Variants in MOB4 observed in about 807,000 individuals in gnomAD.
The protein encoded by MOB4 is MOB-like protein phocein.
A neutral mutation model predicts 32.2 loss-of-function variants in MOB4; 4 were observed. The observed-to-expected ratio is 0.12, with a 90% CI of 0.06 to 0.28. The LOEUF is 0.28. Among genes scored for constraint, MOB4 ranks in the 10% least tolerant of loss-of-function variants. The pLI, the probability that MOB4 is intolerant of heterozygous loss-of-function variation, is 1.00. For missense variants in MOB4, 158 were observed against 271.2 expected (o/e 0.58, Z 2.93); for synonymous variants, 88 against 88.1 (o/e 1.00, Z 0.01).
chr2:197,516,803 A>C, intron 1 of MOB4: 1 of 458,664 alleles, frequency 2.2e-6, no homozygotes, highest in Non-Finnish European at 4.6e-6. Context: ...GAATGAACTG[A>C]TTATAATTTT....
At chr2:197,546,260 A>G (rs1295437467) in intron 5 of MOB4, among the ~76,000 whole-genome samples, 2 of 151,846 alleles carry the variant, frequency 1.3e-5, no homozygotes, top group African/African-American at 4.8e-5. Flanking sequence ...ATGGGGTTTC[A>G]TCGTGTTAGC....
chr2:197,533,695 A>C (rs2106120139), intron 2 of MOB4: 1 of 318,412 alleles, frequency 3.1e-6, no homozygotes, highest in Admixed American at 4.2e-5. Context: ...ATTGCACTCC[A>C]GCCTGGGCGA....
intron 2 of MOB4, among the ~76,000 whole-genome samples, chr2:197,534,786 G>T (rs919410063): frequency 2.0e-5 from 3 of 151,968 alleles, no homozygotes; most frequent in African/African-American, 4.8e-5. Context: ...CTTGTGATCT[G>T]CCCACCTCGG....
At chr2:197,527,267 T>C (rs2086626707) in intron 2 of MOB4, among the ~76,000 whole-genome samples, 1 of 152,154 alleles carries the variant, frequency 6.6e-6, no homozygotes, top group Non-Finnish European at 1.5e-5. Flanking sequence ...TTAAGCCTTC[T>C]TACTCATGCA....
intron 2 of MOB4, among the ~76,000 whole-genome samples, chr2:197,529,585 C>T (rs1181241487): frequency 6.6e-6 from 1 of 151,976 alleles, no homozygotes; most frequent in Non-Finnish European, 1.5e-5. Flanking sequence ...CTCCTGACCT[C>T]AAGTGATCCA....
rs1331357830 is a variant in MOB4 at position 197,525,425 on chromosome 2, T to G, written c.123+1739T>G. On this transcript the variant is annotated intron_variant, in intron 2 of 7. Transcript: ENST00000323303. ...CTTAGAAAATAAAAGAGACATATAG[T>G]TGAATTATTTGAGCATTAAAAACCA... is the stretch of plus-strand genomic sequence containing the variant. 2.0e-5 allele frequency among the ~76,000 whole-genome samples: 3 copies of G among 151,346 alleles called. No individual in the cohort carries two copies. The East Asian group carries it at 5.8e-4, about 29-fold the overall frequency.
chr2:197,517,914 C>T (rs1333364062), intron 1 of MOB4, among the ~76,000 whole-genome samples: 1 of 152,008 alleles, frequency 6.6e-6, no homozygotes, highest in Non-Finnish European at 1.5e-5. Flanking sequence ...TGGAGGCAGG[C>T]GGATCATCTG....
At chr2:197,516,428 C>A (rs1415623925) in intron 1 of MOB4, 1 of 1,326,508 alleles carries the variant, frequency 7.5e-7, no homozygotes, top group Non-Finnish European at 9.9e-7. Flanking sequence ...AGCCTGTCAG[C>A]AGCAACGGCT....
rs1260720141 is a variant in MOB4, at chr2:197,550,404, A to G, written c.546+18A>G. On this transcript the variant is annotated intron_variant, in intron 7 of 7. Transcript: ENST00000323303. ...AATATGAAGTAAGTATATTTCACTG[A>G]TTATCTTGATGCATTCTTATCAGTG... The G allele has an allele frequency of 6.2e-7, 1 of 1,610,614 alleles. No individual in the cohort carries two copies. Among genetic ancestry groups the G allele is most frequent in the African/African-American group, 1.3e-5 (1 of 74,904 alleles).
At chr2:197,546,491 C>G (rs957843679) in intron 5 of MOB4, among the ~76,000 whole-genome samples, 3 of 151,790 alleles carry the variant, frequency 2.0e-5, no homozygotes, top group Admixed American at 1.3e-4. Flanking sequence ...ACCTCCTGTG[C>G]TCAAGCAATC....
At chr2:197,549,234 A>G (rs2106140317) in intron 6 of MOB4, among the ~76,000 whole-genome samples, 1 of 152,260 alleles carries the variant, frequency 6.6e-6, no homozygotes, top group Admixed American at 6.5e-5. Context: ...CTCAAAAAAA[A>G]AAGAGCAGAC....
At chr2:197,529,481 A>T (rs1396289825) in intron 2 of MOB4, among the ~76,000 whole-genome samples, 2 of 151,770 alleles carry the variant, frequency 1.3e-5, no homozygotes, top group Non-Finnish European at 2.9e-5. Context: ...CCTCCCCAGT[A>T]GCTGGGACTA....
At chr2:197,538,311 G>C (rs2086837764) in intron 3 of MOB4, among the ~76,000 whole-genome samples, 1 of 150,966 alleles carries the variant, frequency 6.6e-6, no homozygotes, top group Non-Finnish European at 1.5e-5. Flanking sequence ...TTTTTGGTCT[G>C]GGTTGTATAT....
At chr2:197,524,877 T>C (rs191728982) in intron 2 of MOB4, among the ~76,000 whole-genome samples, 14 of 152,168 alleles carry the variant, frequency 9.2e-5, no homozygotes, top group Non-Finnish European at 2.1e-4. Flanking sequence ...CTCAGGTGAT[T>C]GTTCTACCTC....
chr2:197,549,859 T>TAAAA (rs573507195), intron 6 of MOB4, among the ~76,000 whole-genome samples: 147 of 85,074 alleles, frequency 1.7e-3, no homozygotes, highest in Non-Finnish European at 2.7e-3. Flanking sequence ...CCTTAATTTC[T>TAAAA]AAAAAAAAAA....
At chr2:197,519,512 T>C (rs186692612) in intron 1 of MOB4, among the ~76,000 whole-genome samples, 2 of 152,332 alleles carry the variant, frequency 1.3e-5, no homozygotes, top group East Asian at 3.9e-4. Flanking sequence ...TACTTAATAA[T>C]ACCTAATGCA....
At chr2:197,540,677 C>T (rs1349615467) in intron 5 of MOB4, among the ~76,000 whole-genome samples, 1 of 152,200 alleles carries the variant, frequency 6.6e-6, no homozygotes, top group Non-Finnish European at 1.5e-5. Flanking sequence ...CTGGCTATTA[C>T]GGATTAACAT....
intron 2 of MOB4, among the ~76,000 whole-genome samples, chr2:197,529,122 C>T (rs1378746271): frequency 6.6e-6 from 1 of 151,734 alleles, no homozygotes; most frequent in Non-Finnish European, 1.5e-5. Context: ...GGATTACAGG[C>T]ATGCGCCACC....
chr2:197,543,106 A>G (rs2086926660), intron 5 of MOB4, among the ~76,000 whole-genome samples: 1 of 152,220 alleles, frequency 6.6e-6, no homozygotes, highest in African/African-American at 2.4e-5. Flanking sequence ...AGCCTAGCCA[A>G]CATGGTGAAA....
Sources: gnomAD v4.1 joint callset for allele counts (sites outside exome capture counted in the v4.1 genomes callset) on GRCh38, gnomAD v4.1.1 for gene constraint, MANE v1.5 for transcripts, NCBI Gene and HGNC (gene_info 2026-07-23, HGNC 2026-07-21) for gene names.